PDE7A: variants seen among roughly 807,000 people sequenced by gnomAD.
The protein encoded by PDE7A is phosphodiesterase 7A, also known as high affinity 3',5'-cyclic-AMP phosphodiesterase 7A.
PDE7A carries 39 observed loss-of-function variants against 64.3 expected under a neutral mutation model. The ratio of observed to expected loss-of-function variants is 0.61; its 90% confidence interval spans 0.47 to 0.79. The LOEUF is 0.79. Among genes scored for constraint, PDE7A ranks in the 30% least tolerant of loss-of-function variants. The probability of loss-of-function intolerance (pLI) is 0.00; values close to 1 mark genes in which losing one functional copy is unlikely to be tolerated. For missense variants in PDE7A, 470 were observed against 582.8 expected (o/e 0.81, Z 1.99); for synonymous variants, 203 against 206.8 (o/e 0.98, Z 0.16).
chr8:65,787,758 C>T (rs193037025), intron 1 of PDE7A, among the ~76,000 whole-genome samples: 2 of 148,616 alleles, frequency 1.3e-5, no homozygotes, highest in East Asian at 3.9e-4. Context: ...GCCTGGGCAA[C>T]ATAGTAAGAC....
chr8:65,754,704 C>T (rs1466380295), intron 3 of PDE7A, among the ~76,000 whole-genome samples: 2 of 150,100 alleles, frequency 1.3e-5, no homozygotes, highest in Non-Finnish European at 1.5e-5. Flanking sequence ...CAGTGGCTCA[C>T]GCCTGTAATC....
At chr8:65,824,084 T>C (rs1193975701) in intron 1 of PDE7A, among the ~76,000 whole-genome samples, 1 of 152,200 alleles carries the variant, frequency 6.6e-6, no homozygotes, top group Non-Finnish European at 1.5e-5. Flanking sequence ...TTTTACAAAA[T>C]GAAGGTCTGT....
intron 1 of PDE7A, among the ~76,000 whole-genome samples, chr8:65,840,620 T>C (rs1387317998): frequency 6.6e-6 from 1 of 152,152 alleles, no homozygotes; most frequent in Non-Finnish European, 1.5e-5. Flanking sequence ...AGTCTGACAA[T>C]CAAAATTAGC....
At chr8:65,789,394 G>A (rs924835461) in intron 1 of PDE7A, among the ~76,000 whole-genome samples, 1 of 152,190 alleles carries the variant, frequency 6.6e-6, no homozygotes, top group Non-Finnish European at 1.5e-5. Context: ...CACAAGCACA[G>A]TGTCCTGTGA....
intron 1 of PDE7A, among the ~76,000 whole-genome samples, chr8:65,794,457 T>A (rs1473667225): frequency 1.3e-5 from 2 of 151,956 alleles, no homozygotes; most frequent in Non-Finnish European, 2.9e-5. Context: ...CTATAAGTAG[T>A]ATTATAAACA....
intron 1 of PDE7A, among the ~76,000 whole-genome samples, chr8:65,834,140 A>G (rs1585957471): frequency 6.6e-6 from 1 of 152,180 alleles, no homozygotes; most frequent in Non-Finnish European, 1.5e-5. Context: ...TGAAAATTTA[A>G]GAAAACTTGC....
At position 65,841,598 on chromosome 8, in the gene PDE7A, G is replaced by A. The variant is rs1398004929; in HGVS notation, c.-90C>T. The A allele has an allele frequency of 1.7e-6, 1 of 573,412 alleles. No individual in the cohort carries two copies. The highest frequency in any genetic ancestry group is 2.0e-5 in the African/African-American group (1 of 49,140). 35.5% of individuals were successfully genotyped at this position (573,412 alleles called of 1,614,324 possible). On this transcript the variant is annotated 5_prime_UTR_variant, in exon 1 of 13. Coordinates refer to ENST00000401827, the MANE Select transcript of PDE7A (RefSeq NM_001242318.3). ...GAGGGGGCCGCGGCTCGGGGGCTCC[G>A]GGCCGAGACGGGGGCAGGGCGGGCG...
chr8:65,775,795 T>G (rs1247174203), intron 3 of PDE7A, among the ~76,000 whole-genome samples: 1 of 152,146 alleles, frequency 6.6e-6, no homozygotes, highest in Non-Finnish European at 1.5e-5. Context: ...ACCTGGCTAA[T>G]TTTTACTATT....
intron 1 of PDE7A, among the ~76,000 whole-genome samples, chr8:65,827,549 T>A (rs1278860772): frequency 2.0e-5 from 3 of 152,212 alleles, no homozygotes; most frequent in Admixed American, 2.0e-4. Flanking sequence ...ATGCAGCATA[T>A]TCCTCCAAAC....
At chr8:65,794,449 A>G (rs1482397493) in intron 1 of PDE7A, among the ~76,000 whole-genome samples, 1 of 152,104 alleles carries the variant, frequency 6.6e-6, no homozygotes, top group East Asian at 1.9e-4. Context: ...AACTTCACCT[A>G]TAAGTAGTAT....
chr8:65,774,956 T>C (rs527251983), intron 3 of PDE7A, among the ~76,000 whole-genome samples: 15 of 152,266 alleles, frequency 9.9e-5, no homozygotes, highest in South Asian at 2.1e-4. Flanking sequence ...ACGATGAAAA[T>C]AGTTTTAACC....
chr8:65,776,428 A>G (rs866406953), intron 3 of PDE7A, among the ~76,000 whole-genome samples: 2 of 152,138 alleles, frequency 1.3e-5, no homozygotes, highest in Non-Finnish European at 2.9e-5. Context: ...TGTCTTGGCT[A>G]TTCTTGGAGC....
chr8:65,757,561 T>C (rs1286821036), intron 3 of PDE7A, among the ~76,000 whole-genome samples: 1 of 152,198 alleles, frequency 6.6e-6, no homozygotes, highest in African/African-American at 2.4e-5. Context: ...CTGGAATAAT[T>C]GAGCTAAGAG....
At chr8:65,787,355 T>C (rs937805973) in intron 1 of PDE7A, among the ~76,000 whole-genome samples, 6 of 152,218 alleles carry the variant, frequency 3.9e-5, no homozygotes, top group African/African-American at 1.2e-4. Flanking sequence ...ACGGGAGCAC[T>C]GAACAAAATT....
chr8:65,833,384 T>C (rs1290657500), intron 1 of PDE7A, among the ~76,000 whole-genome samples: 1 of 152,196 alleles, frequency 6.6e-6, no homozygotes, highest in Non-Finnish European at 1.5e-5. Flanking sequence ...AGAATGAAAG[T>C]TATTACTTCA....
intron 1 of PDE7A, among the ~76,000 whole-genome samples, chr8:65,829,158 G>C (rs1810748758): frequency 6.6e-6 from 1 of 152,034 alleles, no homozygotes; most frequent in Non-Finnish European, 1.5e-5. Context: ...CAGTGCTAGA[G>C]AGTGAGCTCG....
intron 1 of PDE7A, among the ~76,000 whole-genome samples, chr8:65,791,500 A>G (rs1335253696): frequency 6.6e-6 from 1 of 152,224 alleles, no homozygotes; most frequent in African/African-American, 2.4e-5. Flanking sequence ...TGCAATCACA[A>G]TGGTCCATGA....
chr8:65,756,636 A>C (rs541390243), intron 3 of PDE7A, among the ~76,000 whole-genome samples: 1 of 152,032 alleles, frequency 6.6e-6, no homozygotes, highest in South Asian at 2.1e-4. Context: ...TTGTTTGTAC[A>C]TTGTTTTCCT....
chr8:65,771,736 G>A lies in PDE7A; in HGVS notation c.283+7984C>T, dbSNP rs370945276. ...CTAAAAATACAAAGGTTAGCCAGGC[G>A]TGGTGGTGGGTGCCTGTAATCCCAG... On this transcript the variant is annotated intron_variant, in intron 3 of 12. Transcript: ENST00000401827. Among the ~76,000 whole-genome samples the A allele has an allele frequency of 4.7e-3, 718 of 151,958 alleles. 4 individuals are homozygous for A. Among genetic ancestry groups the A allele is most frequent in the African/African-American group, 0.017 (693 of 41,466 alleles).
Sources: allele counts gnomAD v4.1 joint callset (sites outside exome capture counted in the v4.1 genomes callset), GRCh38; gene constraint gnomAD v4.1.1; transcripts MANE v1.5; gene names NCBI Gene and HGNC (gene_info 2026-07-23, HGNC 2026-07-21).